MUC5AC: variants seen among roughly 807,000 people sequenced by gnomAD.
MUC5AC encodes mucin 5AC, oligomeric mucus/gel-forming.
In MUC5AC, 158 loss-of-function variants were observed where a neutral mutation model predicts 169.7. The observed-to-expected ratio is 0.93, with a 90% confidence interval of 0.82 to 1.06. MUC5AC has a LOEUF of 1.06. MUC5AC is among the 50% of genes least tolerant of loss of function. The probability of loss-of-function intolerance (pLI) is 0.00; values close to 1 mark genes in which losing one functional copy is unlikely to be tolerated. For synonymous variants in MUC5AC, 1,975 were observed against 1,237.0 expected, an observed-to-expected ratio of 1.60 and a Z score of -12.52; for missense variants, 4,359 against 3,089.9, an observed-to-expected ratio of 1.41 and a Z score of -9.74.
chr11:1,178,501 A>T lies in MUC5AC; in HGVS notation c.3145A>T (p.Thr1049Ser). 8.6e-7 allele frequency: 1 copy of T among 1,157,740 alleles called. No homozygotes were observed. The highest frequency in any genetic ancestry group is 1.1e-6 in the Non-Finnish European group (1 of 873,476). 71.7% of individuals were successfully genotyped at this position (1,157,740 alleles called of 1,614,324 possible). Residue 1049 changes from threonine (T) to serine (S), a missense_variant, in exon 25 of 49, where the codon ACG becomes TCG. Physicochemically the swap from Thr to Ser is moderately conservative, Grantham distance 58 (BLOSUM62 1). Transcript: ENST00000621226. Reference protein sequence around the residue: ...FDDIAVNDFATRSRSVVGDVL... With the variant: ...FDDIAVNDFASRSRSVVGDVL... ...CGACATCGCCGTTAATGACTTTGCCACGCGGAGCCGGTCTGTGGTGGGGGA... is the reference window on the plus strand; with the variant it reads ...CGACATCGCCGTTAATGACTTTGCCTCGCGGAGCCGGTCTGTGGTGGGGGA...
chr11:1,160,807 C>G (rs1232210449), intron 2 of MUC5AC, 118 bp downstream of exon 2: 3 of 1,037,282 alleles, frequency 2.9e-6, no homozygotes, highest in Non-Finnish European at 4.2e-6. Flanking sequence ...CTGCTGAGGA[C>G]CAAACCTGGG....
intron 25 of MUC5AC, 141 bp from the exon 26 acceptor site, chr11:1,178,951 C>T (rs1019209081): frequency 2.1e-5 from 9 of 435,512 alleles, no homozygotes; most frequent in African/African-American, 8.2e-5. Flanking sequence ...TGGGCCCAGC[C>T]GGCCACTTGG....
In MUC5AC at chr11:1,194,346, G is replaced by T; in HGVS notation, c.14992G>T (p.Val4998Leu). ...GCTGACCCGCAAGCCAGTCCACGGGGTGATGACAAACGAGGTGGGGGCGCG... is the reference window on the plus strand; with the variant it reads ...GCTGACCCGCAAGCCAGTCCACGGGTTGATGACAAACGAGGTGGGGGCGCG... ...VVLTRKPVHG[V>L]MTNEIIFNNK... Residue 4998 changes from valine to leucine, a missense_variant, in exon 34 of 49, where the codon GTG (valine) becomes TTG (leucine). Physicochemically the swap from Val to Leu is conservative, Grantham distance 32. Coordinates refer to ENST00000621226, the MANE Select transcript of MUC5AC (RefSeq NM_001304359.2). 1.4e-6 allele frequency: 1 copy of T among 734,360 alleles called. No homozygotes were observed. The highest frequency in any genetic ancestry group is 1.8e-5 in the Admixed American group (1 of 54,082). 45.5% of individuals were successfully genotyped at this position (734,360 alleles called of 1,614,324 possible). A position where few individuals can be genotyped will look rare whatever the true frequency, so the allele number is the denominator to read the frequency against.
chr11:1,176,060 CG>C (rs1438920207), intron 19 of MUC5AC, 90 bp from the exon 20 acceptor site: 6 of 398,266 alleles, frequency 1.5e-5, no homozygotes, highest in Non-Finnish European at 2.7e-5. Context: ...TCAATGTGCA[CG>C]CACATGGCAC....
chr11:1,163,092 G>A (rs34664315), intron 6 of MUC5AC, 47 bp downstream of exon 6: 281,567 of 1,553,086 alleles, frequency 0.18, 28,027 homozygotes, highest in Non-Finnish European at 0.21. Context: ...GTCCCCTGGG[G>A]GCTCAGTGTT....
intron 24 of MUC5AC, 123 bp downstream of exon 24, chr11:1,177,756 G>T: frequency 2.5e-6 from 1 of 395,644 alleles, no homozygotes; most frequent in Non-Finnish European, 4.4e-6. Context: ...TGGAAGCGGG[G>T]TGGGAAGTGG....
chr11:1,172,508 G>A lies in MUC5AC; in HGVS notation c.1950G>A (p.Pro650=), dbSNP rs1860572578. The A allele has an allele frequency of 1.5e-5, 6 of 398,686 alleles. No individual in the cohort carries two copies. The highest frequency in any genetic ancestry group is 1.3e-3 in the Middle Eastern group (2 of 1,586). 24.7% of individuals were successfully genotyped at this position (398,686 alleles called of 1,614,324 possible). Residue 650 remains proline, a synonymous_variant, in exon 16 of 49, where the codon CCG becomes CCA. Transcript: ENST00000621226. ...PFGRCHAAVK[P]GTYYSNCMFD... ...GCCGGTGCCATGCTGCCGTGAAGCC[G>A]GGAACCTACTACTCGGTAACATCTG...
At chr11:1,196,574 C>T in intron 38 of MUC5AC, 43 bp from the exon 39 acceptor site, 1 of 762,516 alleles carries the variant, frequency 1.3e-6, no homozygotes, top group Non-Finnish European at 2.4e-6. Context: ...GTCCTTCTCA[C>T]CGGAGGGAAA....
intron 10 of MUC5AC, 35 bp from the exon 11 acceptor site, chr11:1,165,587 G>A (rs1490095114): frequency 2.5e-6 from 4 of 1,609,048 alleles, no homozygotes; most frequent in East Asian, 2.2e-5. Flanking sequence ...GTCTCCTGGG[G>A]CCGGCACCCA....
rs1173761751 is a variant in MUC5AC, at chr11:1,183,407, C to T, written c.5262C>T (p.Asp1754=). The change falls in exon 31 of 49, where the codon GAC becomes GAT. Residue 1754 remains aspartate (D), a synonymous_variant. Coordinates refer to ENST00000621226, the MANE Select transcript of MUC5AC (RefSeq NM_001304359.2). ...HPRCTWTKWF[D]VDFPSPGPHG... is the part of the protein sequence containing the mutation. ...GGTGCACCTGGACAAAGTGGTTCGA[C>T]GTGGACTTCCCGTCCCCCGGACCCC... 4.5e-5 allele frequency: 29 copies of T among 645,584 alleles called. 1 individual carries two copies. Among genetic ancestry groups the T allele is most frequent in the African/African-American group, 1.0e-4 (5 of 48,910 alleles). The allele number at this position is 645,584 out of a possible 1,614,324, so 40.0% of individuals were successfully genotyped here. A position where few individuals can be genotyped will look rare whatever the true frequency, so the allele number is the denominator to read the frequency against.
In MUC5AC at chr11:1,165,306, G is replaced by A. The variant is rs1451526996; in HGVS notation, c.1134G>A (p.Thr378=). The A allele has an allele frequency of 6.2e-6, 10 of 1,611,392 alleles. No individual in the cohort carries two copies. The highest frequency in any genetic ancestry group is 1.3e-5 in the African/African-American group (1 of 74,914). ...CVAGCFCPEG[T]VLDDIGQTGC... ...AGGCCTGCCTGACCCCTGCAGGGACGGTGCTTGACGACATCGGCCAGACCG... is the reference window on the plus strand; with the variant it reads ...AGGCCTGCCTGACCCCTGCAGGGACAGTGCTTGACGACATCGGCCAGACCG... Residue 378 remains threonine (T), a synonymous_variant, in exon 10 of 49, where the codon ACG becomes ACA. Transcript: ENST00000621226.
rs1860991116 is a variant in MUC5AC at position 1,187,809 on chromosome 11, T to TGTGATCTCCGGTGCACCTGGACC, written c.9666_9667insGATCTCCGGTGCACCTGGACCGT (p.His3223AspfsTer20). 1.3e-6 allele frequency: 1 copy of TGTGATCTCCGGTGCACCTGGACC among 764,936 alleles called. No individual in the cohort carries two copies. The highest frequency in any genetic ancestry group is 2.4e-6 in the Non-Finnish European group (1 of 417,848). The allele number at this position is 764,936 out of a possible 1,614,324, so 47.4% of individuals were successfully genotyped here. A position where few individuals can be genotyped will look rare whatever the true frequency, so the allele number is the denominator to read the frequency against. ...CCACTCCCAACCAGTCACCAGAGAC[T>TGTGATCTCCGGTGCACCTGGACC]GTCATCTCCGGTGCACCTGGACCAA... is the stretch of plus-strand genomic sequence containing the variant. On this transcript the variant is annotated frameshift_variant, in exon 31 of 49. Transcript: ENST00000621226. LOFTEE classifies it high-confidence loss of function.
At chr11:1,173,810 C>A (rs1194434525) in intron 16 of MUC5AC, among the ~76,000 whole-genome samples, 3 of 138,992 alleles carry the variant, frequency 2.2e-5, no homozygotes, top group Non-Finnish European at 3.2e-5. Context: ...TCATTCATTC[C>A]TTCACTCACT....
chr11:1,178,299 C>A (rs1460030355), intron 24 of MUC5AC, 145 bp from the exon 25 acceptor site: 3 of 399,056 alleles, frequency 7.5e-6, no homozygotes, highest in Non-Finnish European at 1.3e-5. Flanking sequence ...GAAGCAGCAC[C>A]TGTGGTCGCT....
chr11:1,189,386 C>A lies in MUC5AC; in HGVS notation c.11241C>A (p.Ala3747=). Residue 3747 remains alanine, a synonymous_variant, in exon 31 of 49, where the codon GCC becomes GCA. Transcript: ENST00000621226. ...ISAPTTSTIS[A]PTTSTTSAPT... ...CCCCTACAACCAGCACAATCTCTGC[C>A]CCTACAACCAGCACAACCTCTGCTC... The A allele has an allele frequency of 1.8e-6, 1 of 564,582 alleles. No individual in the cohort carries two copies. Among genetic ancestry groups the A allele is most frequent in the Non-Finnish European group, 3.1e-6 (1 of 320,580 alleles). The allele number at this position is 564,582 out of a possible 1,614,324, so 35.0% of individuals were successfully genotyped here. A position where few individuals can be genotyped will look rare whatever the true frequency, so the allele number is the denominator to read the frequency against.
Position 1,177,057 on chromosome 11 carries a change from G to A in MUC5AC, c.2784G>A (p.Thr928=), listed in dbSNP as rs1590141631. The change falls in exon 22 of 49, where the codon ACG becomes ACA. Residue 928 remains threonine (T), a synonymous_variant. Coordinates refer to ENST00000621226, the MANE Select transcript of MUC5AC (RefSeq NM_001304359.2). ...SYSFNGDCEY[T]LVQNHCGGKD... ...GCTTCAACGGAGACTGCGAGTACACGCTGGTGCAGGTGAGCCGGCGCGTTT... is the reference window on the plus strand; with the variant it reads ...GCTTCAACGGAGACTGCGAGTACACACTGGTGCAGGTGAGCCGGCGCGTTT... 6 of 398,712 alleles carry A rather than the reference G, an allele frequency of 1.5e-5. No individual in the cohort carries two copies. The highest frequency in any genetic ancestry group is 4.4e-5 in the Admixed American group (1 of 22,746). 24.7% of individuals were successfully genotyped at this position (398,712 alleles called of 1,614,324 possible).
Position 1,161,595 on chromosome 11 carries a change from A to G in MUC5AC, c.211+9A>G, listed in dbSNP as rs755013880. 2 of 1,607,692 alleles carry G rather than the reference A, an allele frequency of 1.2e-6. No homozygotes were observed. Among genetic ancestry groups the G allele is most frequent in the Admixed American group, 3.4e-5 (2 of 59,580 alleles). ...CATCCCTGTGGTACGAGGTGAGTGGAGCCCGGAGGCCTGGGTGGGGAAGGG... is the reference window on the plus strand; with the variant it reads ...CATCCCTGTGGTACGAGGTGAGTGGGGCCCGGAGGCCTGGGTGGGGAAGGG... On this transcript the variant is annotated intron_variant, in intron 3 of 48. Transcript: ENST00000621226.
chr11:1,174,273 T>A (rs1056057124), intron 16 of MUC5AC, among the ~76,000 whole-genome samples: 4 of 152,250 alleles, frequency 2.6e-5, no homozygotes, highest in Non-Finnish European at 5.9e-5. Flanking sequence ...AAGGATCTGG[T>A]TCTCCCAGTA....
intron 43 of MUC5AC, 108 bp from the exon 44 acceptor site, chr11:1,198,766 C>A: frequency 1.5e-6 from 1 of 648,738 alleles, no homozygotes; most frequent in Non-Finnish European, 2.8e-6. Context: ...AGGAAGCGGC[C>A]TGGAGGGGGA....
Sources: gnomAD v4.1 joint callset for allele counts (sites outside exome capture counted in the v4.1 genomes callset) on GRCh38, gnomAD v4.1.1 for gene constraint, MANE v1.5 for transcripts, NCBI Gene and HGNC (gene_info 2026-07-23, HGNC 2026-07-21) for gene names.